The following ITPK1 variants were observed in gnomAD, a reference collection of about 807,000 sequenced individuals.
ITPK1 encodes inositol 1,3,4-trisphosphate 5/6-kinase.
In ITPK1, 21 loss-of-function variants were observed where a neutral mutation model predicts 45.3. That is an observed-to-expected ratio of 0.46 (90% CI 0.33 to 0.67). The LOEUF is 0.67. Ranked by LOEUF, ITPK1 falls within the 30% of genes least tolerant of loss-of-function variation. The pLI is 0.02. For missense variants in ITPK1, 474 were observed against 573.5 expected (o/e 0.83, Z 1.77); for synonymous variants, 258 against 253.6 (o/e 1.02, Z -0.16).
chr14:93,002,514 T>A (rs1482684784), intron 4 of ITPK1, among the ~76,000 whole-genome samples: 1 of 151,994 alleles, frequency 6.6e-6, no homozygotes, highest in Admixed American at 6.5e-5. Context: ...GAAAAGCATC[T>A]CAACTCTAAC....
In ITPK1 at chr14:93,106,300, G is replaced by A. The variant is rs1043349559; in HGVS notation, c.95+8769C>T. ...CGAGGGCATAACTGCAGCCTCCCTC[G>A]GATGGGAGGAAGGTCACACTGTCAG... On this transcript the variant is annotated intron_variant, in intron 2 of 10. Coordinates refer to ENST00000267615, the MANE Select transcript of ITPK1 (RefSeq NM_014216.6). 6.0e-5 allele frequency among the ~76,000 whole-genome samples: 9 copies of A among 150,070 alleles called. No individual in the cohort carries two copies. In the East Asian group the frequency reaches 7.8e-4, roughly 13 times the overall value.
chr14:93,065,526 A>G (rs997636426), intron 3 of ITPK1, among the ~76,000 whole-genome samples: 23 of 152,202 alleles, frequency 1.5e-4, no homozygotes, highest in African/African-American at 5.6e-4. Context: ...TCCATTTTAC[A>G]GAAGAATAAA....
intron 3 of ITPK1, among the ~76,000 whole-genome samples, chr14:93,058,731 C>A (rs1300225469): frequency 4.8e-5 from 1 of 21,004 alleles, no homozygotes; most frequent in African/African-American, 2.7e-4. Context: ...GGAGGGGGTG[C>A]GGATCATGAG....
In ITPK1 at chr14:92,979,656, G is replaced by A. The variant is rs543632301; in HGVS notation, c.364+14224C>T. 2.0e-4 allele frequency among the ~76,000 whole-genome samples: 31 copies of A among 152,154 alleles called. 1 individual carries two copies. In the South Asian group the frequency reaches 6.5e-3, roughly 32 times the overall value. ...CTCTGTTTCTCTCTCCTGCTGCCAC[G>A]TAAAGACATGCCTACTTCCCCTTTG... On this transcript the variant is annotated intron_variant, in intron 5 of 10. Transcript: ENST00000267615.
chr14:93,062,346 C>A (rs560844099), intron 3 of ITPK1, among the ~76,000 whole-genome samples: 1 of 152,152 alleles, frequency 6.6e-6, no homozygotes, highest in East Asian at 1.9e-4. Flanking sequence ...GGGAGGATTG[C>A]TTGAGCCCAG....
intron 3 of ITPK1, among the ~76,000 whole-genome samples, chr14:93,029,394 A>G (rs1888916824): frequency 6.6e-6 from 1 of 152,090 alleles, no homozygotes; most frequent in Non-Finnish European, 1.5e-5. Flanking sequence ...CTTCAGGTTA[A>G]AGAATTCCAC....
At chr14:93,086,540 C>G (rs1478451733) in intron 2 of ITPK1, among the ~76,000 whole-genome samples, 2 of 152,238 alleles carry the variant, frequency 1.3e-5, no homozygotes, top group Non-Finnish European at 2.9e-5. Context: ...GAGGGGGACC[C>G]CAGACCGCAA....
At position 92,938,237 on chromosome 14, in the gene ITPK1, C is replaced by T. The variant is rs1887205185; in HGVS notation, c.*3324G>A. The stretch of plus-strand genomic sequence containing the variant: ...CCTCCCTAAGTGCTGGGATGACAGG[C>T]GTGAGCCGCCATGCCCGGCCAGAGT... On this transcript the variant is annotated 3_prime_UTR_variant, in exon 11 of 11. Coordinates refer to ENST00000267615, the MANE Select transcript of ITPK1 (RefSeq NM_014216.6). The T allele has an allele frequency of 1.2e-5, 7 of 582,202 alleles. No homozygotes were observed. Among genetic ancestry groups the T allele is most frequent in the South Asian group, 4.3e-5 (2 of 47,050 alleles). 36.1% of individuals were successfully genotyped at this position (582,202 alleles called of 1,614,324 possible).
rs1887679187 is a variant in ITPK1, at chr14:92,946,220, G to A, written c.901+111C>T. 18 of 1,278,430 alleles carry A rather than the reference G, an allele frequency of 1.4e-5. No homozygotes were observed. The South Asian group carries it at 2.3e-4, about 17-fold the overall frequency. The allele number at this position is 1,278,430 out of a possible 1,614,324, so 79.2% of individuals were successfully genotyped here. ...GGGGCTGCACCTCCCCGGACCTCGTGGTGAGGGAGAAAGCTGGCTTTCTGG... is the reference window on the plus strand; with the variant it reads ...GGGGCTGCACCTCCCCGGACCTCGTAGTGAGGGAGAAAGCTGGCTTTCTGG... On this transcript the variant is annotated intron_variant, in intron 10 of 10. Transcript: ENST00000267615.
intron 3 of ITPK1, among the ~76,000 whole-genome samples, chr14:93,072,401 A>G (rs549708124): frequency 5.3e-5 from 8 of 152,194 alleles, no homozygotes; most frequent in Middle Eastern, 3.4e-3. Context: ...TTATTTCATG[A>G]ATTCTCAGAT....
chr14:93,031,697 C>T (rs557201063), intron 3 of ITPK1, among the ~76,000 whole-genome samples: 3 of 152,146 alleles, frequency 2.0e-5, no homozygotes, highest in Non-Finnish European at 4.4e-5. Context: ...AGTGCCCATC[C>T]CCAAGTGGGA....
chr14:93,020,259 C>T (rs959389247), intron 3 of ITPK1, among the ~76,000 whole-genome samples: 1 of 152,224 alleles, frequency 6.6e-6, no homozygotes, highest in Non-Finnish European at 1.5e-5. Flanking sequence ...TTAACCCAAT[C>T]GTACCCAGCC....
intron 4 of ITPK1, among the ~76,000 whole-genome samples, chr14:92,995,690 G>A (rs1052712232): frequency 1.3e-5 from 2 of 152,200 alleles, no homozygotes; most frequent in Admixed American, 6.5e-5. Context: ...ACCTAGATGC[G>A]GGGCAGAACC....
At chr14:93,078,955 C>T (rs1891332634) in intron 2 of ITPK1, among the ~76,000 whole-genome samples, 1 of 152,016 alleles carries the variant, frequency 6.6e-6, no homozygotes, top group Admixed American at 6.6e-5. Flanking sequence ...TGGGAAAGGC[C>T]GGTGACAGAG....
At chr14:93,051,695 C>T (rs531086145) in intron 3 of ITPK1, among the ~76,000 whole-genome samples, 56 of 152,220 alleles carry the variant, frequency 3.7e-4, no homozygotes, top group African/African-American at 1.3e-3. Context: ...AGCAGGTACC[C>T]CTTCAAGGAA....
Position 92,962,344 on chromosome 14 carries a change from C to G in ITPK1, c.504+11G>C. Reference sequence around the variant, plus strand: ...GGGTCAGGGACAACAGTCAGATCTTCTTCCACTCACCTCGTGAGAGTTGGT... The same window carrying G: ...GGGTCAGGGACAACAGTCAGATCTTGTTCCACTCACCTCGTGAGAGTTGGT... On this transcript the variant is annotated intron_variant, in intron 7 of 10. Coordinates refer to ENST00000267615, the MANE Select transcript of ITPK1 (RefSeq NM_014216.6). 7 of 1,598,918 alleles carry G rather than the reference C, an allele frequency of 4.4e-6. No individual in the cohort carries two copies. Among genetic ancestry groups the G allele is most frequent in the Non-Finnish European group, 6.0e-6 (7 of 1,166,130 alleles).
chr14:93,113,274 C>A (rs944363939), intron 2 of ITPK1, among the ~76,000 whole-genome samples: 2 of 152,182 alleles, frequency 1.3e-5, no homozygotes, highest in African/African-American at 4.8e-5. Context: ...GAACCTCCCA[C>A]CCCTTTAAAG....
At chr14:93,105,112 C>G (rs549304819) in intron 2 of ITPK1, among the ~76,000 whole-genome samples, 1 of 152,198 alleles carries the variant, frequency 6.6e-6, no homozygotes, top group East Asian at 1.9e-4. Context: ...CTGGGCTGGG[C>G]TGACGACCTG....
chr14:92,941,079 C>A lies in ITPK1; in HGVS notation c.*482G>T, dbSNP rs1887359573. 1 of 1,203,244 alleles carries A rather than the reference C, an allele frequency of 8.3e-7. No individual in the cohort carries two copies. The allele number at this position is 1,203,244 out of a possible 1,614,324, so 74.5% of individuals were successfully genotyped here. A position where few individuals can be genotyped will look rare whatever the true frequency, so the allele number is the denominator to read the frequency against. ...TGGTGGAGACCAGTAGGAGGAAAAA[C>A]AAGGAAGGGGCAGGTCAGGGAGTGG... On this transcript the variant is annotated 3_prime_UTR_variant, in exon 11 of 11. Coordinates refer to ENST00000267615, the MANE Select transcript of ITPK1 (RefSeq NM_014216.6).
Sources: allele counts gnomAD v4.1 joint callset (sites outside exome capture counted in the v4.1 genomes callset), GRCh38; gene constraint gnomAD v4.1.1; transcripts MANE v1.5; gene names NCBI Gene and HGNC (gene_info 2026-07-23, HGNC 2026-07-21).